CDK17: variants seen among roughly 807,000 people sequenced by gnomAD.
CDK17 encodes the protein cyclin dependent kinase 17.
A neutral mutation model predicts 77.6 loss-of-function variants in CDK17; 24 were observed. The ratio of observed to expected loss-of-function variants is 0.31; its 90% confidence interval spans 0.22 to 0.44. CDK17 has a LOEUF of 0.44. Ranked by LOEUF, CDK17 falls within the 20% of genes least tolerant of loss-of-function variation. The probability of loss-of-function intolerance (pLI) is 1.00; values close to 1 mark genes in which losing one functional copy is unlikely to be tolerated. For synonymous variants in CDK17, 203 were observed against 210.4 expected (o/e 0.96, Z 0.30); for missense variants, 429 against 622.5 (o/e 0.69, Z 3.31).
At chr12:96,362,204 G>C (rs1421364821) in intron 1 of CDK17, among the ~76,000 whole-genome samples, 1 of 151,938 alleles carries the variant, frequency 6.6e-6, no homozygotes, top group Non-Finnish European at 1.5e-5. Flanking sequence ...ACATAAGATA[G>C]TTACAGCACA....
rs537591277 is a variant in CDK17, at chr12:96,299,516, G to C, written c.601-533C>G. 2.2e-5 allele frequency among the ~76,000 whole-genome samples: 3 copies of C among 136,414 alleles called. No homozygotes were observed. In the South Asian group the frequency reaches 6.5e-4, roughly 30 times the overall value. 89.5% of individuals were successfully genotyped at this position (136,414 alleles called of 152,430 possible). A position where few individuals can be genotyped will look rare whatever the true frequency, so the allele number is the denominator to read the frequency against. ...AGCGATTCTCCTGACTCAGCCTCCC[G>C]AGTAGCTGGGATTACAGGCGCCCGC... On this transcript the variant is annotated intron_variant, in intron 6 of 16. Transcript: ENST00000261211.
intron 1 of CDK17, among the ~76,000 whole-genome samples, chr12:96,360,953 G>A (rs1438260337): frequency 6.6e-6 from 1 of 152,176 alleles, no homozygotes; most frequent in Non-Finnish European, 1.5e-5. Context: ...AAGGCAAAAA[G>A]GAGGACAGAC....
chr12:96,298,286 C>CAA (rs1008775363), intron 7 of CDK17, among the ~76,000 whole-genome samples: 4 of 132,472 alleles, frequency 3.0e-5, no homozygotes, highest in Middle Eastern at 4.0e-3. Flanking sequence ...GACTCCCTCT[C>CAA]AAAAAAAAAA....
chr12:96,366,612 G>A (rs1294499126), intron 1 of CDK17, among the ~76,000 whole-genome samples: 1 of 152,076 alleles, frequency 6.6e-6, no homozygotes, highest in Non-Finnish European at 1.5e-5. Context: ...GTTTGACTAA[G>A]GCTAACACCC....
chr12:96,310,921 C>A (rs1056443182), intron 5 of CDK17, 131 bp downstream of exon 5: 3 of 909,390 alleles, frequency 3.3e-6, no homozygotes, highest in Non-Finnish European at 4.9e-6. Flanking sequence ...TAATAAAAAT[C>A]GAGAAGGCAA....
chr12:96,295,725 C>G (rs1323994433), intron 9 of CDK17, among the ~76,000 whole-genome samples: 3 of 152,172 alleles, frequency 2.0e-5, no homozygotes, highest in Non-Finnish European at 4.4e-5. Context: ...CTTTCAGCAC[C>G]TCCTACTTAG....
chr12:96,316,081 G>A (rs1249094465), intron 3 of CDK17, among the ~76,000 whole-genome samples: 4 of 152,222 alleles, frequency 2.6e-5, no homozygotes, highest in East Asian at 1.9e-4. Context: ...GACAGTGGGC[G>A]CAGGCCAGTG....
chr12:96,285,328 T>A (rs1481409240), intron 13 of CDK17, among the ~76,000 whole-genome samples: 1 of 152,160 alleles, frequency 6.6e-6, no homozygotes, highest in Non-Finnish European at 1.5e-5. Context: ...TCTTCCTTCC[T>A]TAGCTTGAAA....
intron 1 of CDK17, among the ~76,000 whole-genome samples, chr12:96,363,757 G>A (rs552661267): frequency 4.6e-5 from 7 of 152,274 alleles, no homozygotes; most frequent in Middle Eastern, 3.4e-3. Context: ...GGCTGAGGCA[G>A]GAGAACTGCC....
At chr12:96,377,533 C>T (rs1252702082) in intron 1 of CDK17, among the ~76,000 whole-genome samples, 1 of 152,052 alleles carries the variant, frequency 6.6e-6, no homozygotes, top group Non-Finnish European at 1.5e-5. Context: ...AATACAATAA[C>T]CTGAGTTAAA....
At chr12:96,357,734 T>C (rs1225401216) in intron 1 of CDK17, among the ~76,000 whole-genome samples, 1 of 152,224 alleles carries the variant, frequency 6.6e-6, no homozygotes, top group Non-Finnish European at 1.5e-5. Context: ...CAGCTTATTT[T>C]ATCTGGTGAA....
chr12:96,365,298 T>C (rs1013303753), intron 1 of CDK17, among the ~76,000 whole-genome samples: 2 of 152,168 alleles, frequency 1.3e-5, no homozygotes. Flanking sequence ...TACAGAGTCT[T>C]TACATCCATC....
At chr12:96,399,711 C>T (rs1954227865) in intron 1 of CDK17, among the ~76,000 whole-genome samples, 1 of 152,136 alleles carries the variant, frequency 6.6e-6, no homozygotes, top group Non-Finnish European at 1.5e-5. Flanking sequence ...GCGTCTATAT[C>T]TGTCGGCGCC....
In CDK17 at chr12:96,400,083, G is replaced by A. The variant is rs1056957690; in HGVS notation, c.-127C>T. On this transcript the variant is annotated 5_prime_UTR_variant, in exon 1 of 17. Coordinates refer to ENST00000261211, the MANE Select transcript of CDK17 (RefSeq NM_002595.5). Reference sequence around the variant, plus strand: ...CCGCGGCGACCGGATGCAAGTCCGGGTCTCAGCGGCCGGCAGACGTGAGGC... The same window carrying A: ...CCGCGGCGACCGGATGCAAGTCCGGATCTCAGCGGCCGGCAGACGTGAGGC... 5.1e-6 allele frequency: 2 copies of A among 390,910 alleles called. No homozygotes were observed. Among genetic ancestry groups the A allele is most frequent in the Non-Finnish European group, 9.0e-6 (2 of 221,166 alleles). 24.2% of individuals were successfully genotyped at this position (390,910 alleles called of 1,614,324 possible). A position where few individuals can be genotyped will look rare whatever the true frequency, so the allele number is the denominator to read the frequency against.
At chr12:96,297,918 C>T (rs898796625) in intron 7 of CDK17, among the ~76,000 whole-genome samples, 197 bp from the exon 8 acceptor site, 26 of 144,322 alleles carry the variant, frequency 1.8e-4, no homozygotes, top group African/African-American at 6.2e-4. Flanking sequence ...CCAGCCTGGG[C>T]AACAATGCTA....
At chr12:96,382,403 G>A (rs1953898947) in intron 1 of CDK17, among the ~76,000 whole-genome samples, 1 of 147,652 alleles carries the variant, frequency 6.8e-6, no homozygotes, top group Admixed American at 6.8e-5. Flanking sequence ...TCCAGGACCA[G>A]ATGGATTCAC....
At chr12:96,364,199 T>C (rs1458842046) in intron 1 of CDK17, among the ~76,000 whole-genome samples, 2 of 152,246 alleles carry the variant, frequency 1.3e-5, no homozygotes, top group African/African-American at 2.4e-5. Flanking sequence ...TTTTCAATAC[T>C]GTAATTAAAT....
chr12:96,298,152 T>C lies in CDK17; in HGVS notation c.716-431A>G, dbSNP rs1952439122. On this transcript the variant is annotated intron_variant, in intron 7 of 16. Coordinates refer to ENST00000261211, the MANE Select transcript of CDK17 (RefSeq NM_002595.5). ...ACAAAAAAAAGTTAGCCGGGCGTGA[T>C]GGCGGACGCCTGTAGTTCCAGCTAC... Among the ~76,000 whole-genome samples the C allele has an allele frequency of 6.6e-5, 10 of 152,144 alleles. No homozygotes were observed. The South Asian group carries it at 2.1e-3, about 32-fold the overall frequency.
intron 1 of CDK17, among the ~76,000 whole-genome samples, chr12:96,361,909 A>G (rs1168031030): frequency 6.6e-6 from 1 of 152,246 alleles, no homozygotes; most frequent in African/African-American, 2.4e-5. Flanking sequence ...GATGAATGCT[A>G]TTTCATTACT....
Sources: allele counts gnomAD v4.1 joint callset (sites outside exome capture counted in the v4.1 genomes callset), GRCh38; gene constraint gnomAD v4.1.1; transcripts MANE v1.5; gene names NCBI Gene and HGNC (gene_info 2026-07-23, HGNC 2026-07-21).